GALM: variants seen among roughly 807,000 people sequenced by gnomAD.
GALM encodes the protein aldose 1-epimerase.
A neutral mutation model predicts 37.4 loss-of-function variants in GALM; 43 were observed. The ratio of observed to expected loss-of-function variants is 1.15; its 90% CI spans 0.90 to 1.48. GALM has a LOEUF of 1.48. Among genes scored for constraint, GALM ranks in the 40% most tolerant of loss-of-function variants. The pLI is 0.00. For missense variants in GALM, 456 were observed against 419.1 expected, an observed-to-expected ratio of 1.09 and a Z score of -0.77; for synonymous variants, 199 against 170.6, an observed-to-expected ratio of 1.17 and a Z score of -1.30.
chr2:38,729,149 A>T (rs1666544490), intron 4 of GALM, among the ~76,000 whole-genome samples: 1 of 150,758 alleles, frequency 6.6e-6, no homozygotes, highest in South Asian at 2.1e-4. Context: ...ACTCCCATAT[A>T]CTCTATTTAT....
At chr2:38,667,447 G>A (rs1664975394) in intron 1 of GALM, among the ~76,000 whole-genome samples, 1 of 151,802 alleles carries the variant, frequency 6.6e-6, no homozygotes, top group African/African-American at 2.4e-5. Context: ...GCACGTGCCT[G>A]TAATCCCAGC....
chr2:38,721,546 C>T (rs1666375899), intron 4 of GALM, among the ~76,000 whole-genome samples: 1 of 152,152 alleles, frequency 6.6e-6, no homozygotes, highest in Admixed American at 6.6e-5. Flanking sequence ...CGAGCTCTCA[C>T]TCTGTCACCC....
chr2:38,698,328 C>T, intron 4 of GALM: 1 of 1,190,952 alleles, frequency 8.4e-7, no homozygotes, highest in Non-Finnish European at 1.1e-6. Context: ...GAGTGCATAG[C>T]CCTTGCTCAC....
At chr2:38,698,827 T>G (rs1247848199) in intron 4 of GALM, among the ~76,000 whole-genome samples, 1 of 152,252 alleles carries the variant, frequency 6.6e-6, no homozygotes. Flanking sequence ...CAGGCTGATC[T>G]TGAACTCCTG....
chr2:38,688,865 G>A (rs1386033542), intron 3 of GALM, among the ~76,000 whole-genome samples: 2 of 152,064 alleles, frequency 1.3e-5, no homozygotes, highest in Non-Finnish European at 2.9e-5. Context: ...TGCCCAGGCT[G>A]GAGTGCAATG....
At chr2:38,715,199 T>C (rs1213766545) in intron 4 of GALM, among the ~76,000 whole-genome samples, 1 of 152,248 alleles carries the variant, frequency 6.6e-6, no homozygotes, top group East Asian at 1.9e-4. Context: ...ACTTTTGGTT[T>C]CCATTTCTGT....
At chr2:38,722,174 A>G (rs1666395519) in intron 4 of GALM, among the ~76,000 whole-genome samples, 1 of 151,760 alleles carries the variant, frequency 6.6e-6, no homozygotes, top group South Asian at 2.1e-4. Context: ...AGCCTGGCCA[A>G]CATGGTGAAA....
intron 4 of GALM, among the ~76,000 whole-genome samples, chr2:38,711,817 AT>A (rs1666173284): frequency 5.6e-4 from 1 of 1,774 alleles, no homozygotes; most frequent in Non-Finnish European, 1.4e-3. Context: ...CATCATCATC[AT>A]CACTATCACC....
At chr2:38,709,882 G>T (rs1301749824) in intron 4 of GALM, among the ~76,000 whole-genome samples, 1 of 152,170 alleles carries the variant, frequency 6.6e-6, no homozygotes, top group Non-Finnish European at 1.5e-5. Context: ...GTGCCCATGA[G>T]CCCCTTTACC....
chr2:38,681,288 G>A lies in GALM; in HGVS notation c.354G>A (p.Trp118Ter). ...AAAACACTTTTTTCCAGGTGCTCTG[G>A]ACCCCTCGGGTGCTGTCAAATGGCG... is the stretch of plus-strand genomic sequence containing the variant. ...GGVRGFDKVLWTPRVLSNGVQ... is the reference protein window; with the variant it reads ...GGVRGFDKVL The change falls in exon 3 of 7, where the codon TGG becomes TGA. Residue 118 changes from tryptophan (W) to a stop codon, truncating the protein, a stop_gained. Transcript: ENST00000272252. LOFTEE classifies it high-confidence loss of function. 6.2e-7 allele frequency: 1 copy of A among 1,613,068 alleles called. No individual in the cohort carries two copies. Among genetic ancestry groups the A allele is most frequent in the Non-Finnish European group, 8.5e-7 (1 of 1,179,954 alleles).
chr2:38,727,503 T>TG (rs1304695616), intron 4 of GALM, among the ~76,000 whole-genome samples: 1 of 151,780 alleles, frequency 6.6e-6, no homozygotes, highest in Non-Finnish European at 1.5e-5. Flanking sequence ...CCAAGGCAGG[T>TG]GGTTCACGAG....
intron 3 of GALM, among the ~76,000 whole-genome samples, chr2:38,686,032 AAC>A (rs2148432464): frequency 6.6e-6 from 1 of 151,790 alleles, no homozygotes; most frequent in South Asian, 2.1e-4. Flanking sequence ...GCATCTCTTT[AAC>A]GAAGGAATGT....
intron 4 of GALM, among the ~76,000 whole-genome samples, chr2:38,693,278 T>A (rs1286177407): frequency 6.6e-6 from 1 of 151,872 alleles, no homozygotes; most frequent in African/African-American, 2.4e-5. Flanking sequence ...AGATCAGGAG[T>A]TCGAGACCAG....
At chr2:38,711,183 G>A (rs574950620) in intron 4 of GALM, among the ~76,000 whole-genome samples, 11 of 138,638 alleles carry the variant, frequency 7.9e-5, no homozygotes, top group Non-Finnish European at 1.1e-4. Flanking sequence ...TTTTTGAGAC[G>A]GAGTCTCGCT....
chr2:38,732,540 C>A (rs553351176), intron 6 of GALM, among the ~76,000 whole-genome samples: 1 of 152,328 alleles, frequency 6.6e-6, no homozygotes, highest in East Asian at 1.9e-4. Context: ...GCTTCCATAT[C>A]GTCTCCTCCT....
intron 2 of GALM, among the ~76,000 whole-genome samples, chr2:38,680,972 C>A (rs768959422): frequency 6.6e-6 from 1 of 151,894 alleles, no homozygotes; most frequent in African/African-American, 2.4e-5. Context: ...CCCGTCTCTA[C>A]GAAAAATGCA....
chr2:38,668,033 C>A (rs1203346165), intron 1 of GALM, among the ~76,000 whole-genome samples: 5 of 152,122 alleles, frequency 3.3e-5, no homozygotes, highest in Non-Finnish European at 7.3e-5. Context: ...CAGATCTTAC[C>A]CTTTTGGTCC....
chr2:38,686,267 T>TC (rs753735798), intron 3 of GALM, among the ~76,000 whole-genome samples: 1 of 94,274 alleles, frequency 1.1e-5, no homozygotes, highest in African/African-American at 5.0e-5. Context: ...TTTCTTTCTT[T>TC]CTTTCTTTCT....
chr2:38,715,180 C>T (rs776569660), intron 4 of GALM, among the ~76,000 whole-genome samples: 4 of 152,194 alleles, frequency 2.6e-5, no homozygotes, highest in African/African-American at 9.7e-5. Context: ...GCAATAGCTA[C>T]TCCTGCTCAC....
Sources: gnomAD v4.1 joint callset for allele counts (sites outside exome capture counted in the v4.1 genomes callset) on GRCh38, gnomAD v4.1.1 for gene constraint, MANE v1.5 for transcripts, NCBI Gene and HGNC (gene_info 2026-07-23, HGNC 2026-07-21) for gene names.